The following OPCML variants were observed in gnomAD, a reference collection of about 807,000 sequenced individuals.
OPCML encodes opioid-binding protein/cell adhesion molecule.
Under a neutral mutation model 37.8 loss-of-function variants are expected in OPCML, and 13 were observed. The observed-to-expected ratio is 0.34, with a 90% CI of 0.22 to 0.55. The LOEUF is 0.55. Among genes scored for constraint, OPCML ranks in the 20% least tolerant of loss-of-function variants. The probability of loss-of-function intolerance (pLI) is 0.91; values close to 1 mark genes in which losing one functional copy is unlikely to be tolerated. For synonymous variants in OPCML, 176 were observed against 168.8 expected (o/e 1.04, Z -0.33); for missense variants, 341 against 435.6 (o/e 0.78, Z 1.93).
chr11:132,987,305 C>G (rs115244213), intron 1 of OPCML, among the ~76,000 whole-genome samples: 1,822 of 152,220 alleles, frequency 0.012, 33 homozygotes, highest in African/African-American at 0.041. Flanking sequence ...CGCTGCCAAC[C>G]TGAGGAGCCA....
intron 1 of OPCML, among the ~76,000 whole-genome samples, chr11:133,344,216 G>A (rs1048605195): frequency 1.3e-5 from 2 of 152,148 alleles, no homozygotes; most frequent in Non-Finnish European, 2.9e-5. Context: ...TAAGGGACAC[G>A]ATCTGGCCGC....
chr11:132,698,876 T>C (rs1591747041), intron 2 of OPCML, among the ~76,000 whole-genome samples: 1 of 152,116 alleles, frequency 6.6e-6, no homozygotes, highest in African/African-American at 2.4e-5. Context: ...ATTTTAGAAT[T>C]GTTCTTTATA....
At chr11:133,047,747 A>C (rs1374073325) in intron 1 of OPCML, among the ~76,000 whole-genome samples, 1 of 152,220 alleles carries the variant, frequency 6.6e-6, no homozygotes, top group Non-Finnish European at 1.5e-5. Flanking sequence ...AGAAGCAGAC[A>C]GGGTGGGAAA....
intron 2 of OPCML, among the ~76,000 whole-genome samples, chr11:132,726,175 G>C (rs1371310326): frequency 6.6e-6 from 1 of 152,170 alleles, no homozygotes; most frequent in African/African-American, 2.4e-5. Flanking sequence ...TTATGCTGCT[G>C]ATAAAGACAG....
chr11:133,140,862 C>A lies in OPCML; in HGVS notation c.62-197852G>T, dbSNP rs74208302. On this transcript the variant is annotated intron_variant, in intron 1 of 7. Coordinates refer to ENST00000524381, the MANE Select transcript of OPCML (RefSeq NM_001012393.5). ...AAGACGACGACGACGACGAAGAAGACGACGACGACGAAGAAGACGACGACG... is the reference window on the plus strand; with the variant it reads ...AAGACGACGACGACGACGAAGAAGAAGACGACGACGAAGAAGACGACGACG... Among the ~76,000 whole-genome samples, 36 of 38,998 alleles carry A rather than the reference C, an allele frequency of 9.2e-4. 1 individual carries two copies. The highest frequency in any genetic ancestry group is 2.8e-3 in the African/African-American group (33 of 11,842). 25.6% of individuals were successfully genotyped at this position (38,998 alleles called of 152,430 possible). A position where few individuals can be genotyped will look rare whatever the true frequency, so the allele number is the denominator to read the frequency against.
chr11:133,326,922 A>G (rs1592204211), intron 1 of OPCML, among the ~76,000 whole-genome samples: 2 of 44,070 alleles, frequency 4.5e-5, no homozygotes, highest in Admixed American at 3.0e-4. Context: ...TGGGGCGGCG[A>G]GTGTGTGTGT....
At chr11:133,133,537 C>T (rs1949636415) in intron 1 of OPCML, among the ~76,000 whole-genome samples, 1 of 152,188 alleles carries the variant, frequency 6.6e-6, no homozygotes, top group Non-Finnish European at 1.5e-5. Context: ...TCTCCCCATC[C>T]CCTTTCCAGA....
In OPCML at chr11:132,802,600, A is replaced by G. The variant is rs143174461; in HGVS notation, c.146+140326T>C. 6.0e-4 allele frequency among the ~76,000 whole-genome samples: 87 copies of G among 145,906 alleles called. No homozygotes were observed. The South Asian group carries it at 0.012, about 19-fold the overall frequency. ...ACTACAAATTCTGAACATAACAAAT[A>G]CCAACAGCAGAAATATGCAAAAAAA... On this transcript the variant is annotated intron_variant, in intron 2 of 7. Coordinates refer to ENST00000524381, the MANE Select transcript of OPCML (RefSeq NM_001012393.5).
At chr11:133,528,754 A>C (rs1052366527) in intron 1 of OPCML, among the ~76,000 whole-genome samples, 3 of 152,166 alleles carry the variant, frequency 2.0e-5, no homozygotes, top group African/African-American at 7.2e-5. Context: ...CAGAACCTGG[A>C]CTCACAGATC....
intron 1 of OPCML, among the ~76,000 whole-genome samples, chr11:133,487,026 C>T (rs563125370): frequency 3.3e-5 from 5 of 152,182 alleles, no homozygotes; most frequent in African/African-American, 9.6e-5. Flanking sequence ...TCCAGAGCCC[C>T]CATCATTGTT....
intron 2 of OPCML, among the ~76,000 whole-genome samples, chr11:132,893,859 G>C (rs1943740467): frequency 2.0e-5 from 3 of 152,204 alleles, no homozygotes; most frequent in African/African-American, 7.2e-5. Context: ...GCAAGGTGGA[G>C]TTATAGGCTG....
intron 2 of OPCML, among the ~76,000 whole-genome samples, chr11:132,795,976 A>T (rs182007983): frequency 6.6e-4 from 101 of 152,334 alleles, no homozygotes; most frequent in African/African-American, 2.3e-3. Flanking sequence ...TGCCCTGAAC[A>T]TGTACAGACT....
intron 1 of OPCML, among the ~76,000 whole-genome samples, chr11:133,350,343 T>C (rs1168034841): frequency 6.6e-6 from 1 of 152,236 alleles, no homozygotes; most frequent in African/African-American, 2.4e-5. Flanking sequence ...TGATGGTTTT[T>C]CAACCATGTA....
chr11:132,806,380 T>G (rs892841691), intron 2 of OPCML, among the ~76,000 whole-genome samples: 6 of 152,100 alleles, frequency 3.9e-5, no homozygotes, highest in Admixed American at 1.3e-4. Context: ...ACACTTTAAA[T>G]ATAAAGAAAT....
intron 1 of OPCML, among the ~76,000 whole-genome samples, chr11:133,349,007 G>T (rs1363726010): frequency 6.6e-6 from 1 of 152,138 alleles, no homozygotes; most frequent in Non-Finnish European, 1.5e-5. Flanking sequence ...CGGGGGCTTC[G>T]TCATGGGACC....
At chr11:133,001,368 T>A (rs55669018) in intron 1 of OPCML, among the ~76,000 whole-genome samples, 93,171 of 151,976 alleles carry the variant, frequency 0.61, 28,750 homozygotes, top group South Asian at 0.7. Context: ...ACAAAAGAAC[T>A]GGTCTCTGGT....
At chr11:133,271,620 C>A (rs948204) in intron 1 of OPCML, among the ~76,000 whole-genome samples, 48,421 of 151,970 alleles carry the variant, frequency 0.32, 8,477 homozygotes, top group East Asian at 0.73. Context: ...TAGAGTTGTT[C>A]CTCCCATTTT....
At position 133,082,423 on chromosome 11, in the gene OPCML, TC is replaced by T. The variant is rs1366352464; in HGVS notation, c.62-139414del. Among the ~76,000 whole-genome samples the T allele has an allele frequency of 8.0e-5, 4 of 50,288 alleles. No individual in the cohort carries two copies. The East Asian group carries it at 2.4e-3, about 30-fold the overall frequency. The allele number at this position is 50,288 out of a possible 152,430, so 33.0% of individuals were successfully genotyped here. A position where few individuals can be genotyped will look rare whatever the true frequency, so the allele number is the denominator to read the frequency against. On this transcript the variant is annotated intron_variant, in intron 1 of 7. Transcript: ENST00000524381. ...CGCACCCCTCCTCTCCTCCCTATCC[TC>T]CCCCCTCCCCATCCTTTCTCTTCCC...
rs77031272 is a variant in OPCML, at chr11:132,600,585, G to C, written c.379+56502C>G. On this transcript the variant is annotated intron_variant, in intron 3 of 7. Coordinates refer to ENST00000524381, the MANE Select transcript of OPCML (RefSeq NM_001012393.5). ...TACATTTTCAACTCCTTTGTACACC[G>C]ACTGACTAGTCTGCAACCCTGATAT... 0.012 allele frequency among the ~76,000 whole-genome samples: 1,788 copies of C among 152,206 alleles called. 129 individuals are homozygous for C. The East Asian group carries it at 0.21, about 17-fold the overall frequency.
Sources: gnomAD v4.1 joint callset for allele counts (sites outside exome capture counted in the v4.1 genomes callset) on GRCh38, gnomAD v4.1.1 for gene constraint, MANE v1.5 for transcripts, NCBI Gene and HGNC (gene_info 2026-07-23, HGNC 2026-07-21) for gene names.